Variants in SMOC1 observed in about 807,000 individuals in gnomAD.
SMOC1 encodes the protein SPARC-related modular calcium-binding protein 1.
SMOC1 carries 22 observed loss-of-function variants against 56.3 expected under a neutral mutation model. The observed-to-expected ratio is 0.39, with a 90% CI of 0.28 to 0.56. The LOEUF (loss-of-function observed/expected upper bound fraction) is 0.56, where lower values mean the gene tolerates loss of function less well. Among genes scored for constraint, SMOC1 ranks in the 20% least tolerant of loss-of-function variants. The pLI is 0.61. For missense variants in SMOC1, 509 were observed against 565.4 expected (o/e 0.90, Z 1.01); for synonymous variants, 193 against 215.0 (o/e 0.90, Z 0.89).
intron 10 of SMOC1, among the ~76,000 whole-genome samples, chr14:70,021,930 C>G (rs79369163): frequency 0.022 from 3,383 of 152,276 alleles, 58 homozygotes; most frequent in Middle Eastern, 0.085. Context: ...GACAGGCCTT[C>G]GACCCTGATC....
chr14:69,935,579 A>G (rs1885275026), intron 1 of SMOC1, among the ~76,000 whole-genome samples: 1 of 152,174 alleles, frequency 6.6e-6, no homozygotes, highest in African/African-American at 2.4e-5. Context: ...GTTTTTCTGG[A>G]TCAGGTCAGG....
chr14:69,975,987 C>CATGA (rs1487994617), intron 4 of SMOC1, among the ~76,000 whole-genome samples, 173 bp downstream of exon 4: 1 of 152,182 alleles, frequency 6.6e-6, no homozygotes, highest in Non-Finnish European at 1.5e-5. Flanking sequence ...AATGATAAGG[C>CATGA]ATGACAGTGT....
At chr14:70,019,970 T>A (rs1436524712) in intron 10 of SMOC1, among the ~76,000 whole-genome samples, 2 of 152,226 alleles carry the variant, frequency 1.3e-5, no homozygotes, top group Admixed American at 1.3e-4. Flanking sequence ...ACAGAGTTTT[T>A]AAATCCATTG....
In SMOC1 at chr14:69,953,491, G is replaced by A; in HGVS notation, c.337G>A (p.Val113Met). 6.2e-7 allele frequency: 1 copy of A among 1,614,264 alleles called. No homozygotes were observed. The highest frequency in any genetic ancestry group is 8.5e-7 in the Non-Finnish European group (1 of 1,180,042). Residue 113 changes from valine (V) to methionine (M), a missense_variant, in exon 3 of 12, where the codon GTG becomes ATG. Transcript: ENST00000361956. ...LEQAKKPQEA[V>M]FVPECGEDGS... ...GCAAGCCAAGAAGCCTCAGGAAGCT[G>A]TGTTTGTCCCAGAGTGTGGCGAGGA...
chr14:69,902,703 C>T (rs1349728806), intron 1 of SMOC1, among the ~76,000 whole-genome samples: 1 of 152,242 alleles, frequency 6.6e-6, no homozygotes. Flanking sequence ...TCTCTGCTCA[C>T]TGCAACCTCC....
intron 3 of SMOC1, among the ~76,000 whole-genome samples, chr14:69,960,603 C>T (rs1566689224): frequency 6.6e-6 from 1 of 152,022 alleles, no homozygotes; most frequent in Non-Finnish European, 1.5e-5. Context: ...TTGTTATATG[C>T]TCAAAAAACA....
chr14:69,991,259 T>TC lies in SMOC1; in HGVS notation c.527-1152dup, dbSNP rs540100058. ...CTGAGACAACAGTGCTCTCCTTCCC[T>TC]CCCCCCGTGGAGAGAAATCTCTTAA... On this transcript the variant is annotated intron_variant, in intron 5 of 11. Coordinates refer to ENST00000361956, the MANE Select transcript of SMOC1 (RefSeq NM_001034852.3). Among the ~76,000 whole-genome samples the TC allele has an allele frequency of 6.9e-4, 105 of 152,048 alleles. 1 individual carries two copies. Among genetic ancestry groups the TC allele is most frequent in the South Asian group, 4.2e-3 (20 of 4,796 alleles).
At chr14:69,915,582 C>T (rs1365143994) in intron 1 of SMOC1, among the ~76,000 whole-genome samples, 2 of 152,202 alleles carry the variant, frequency 1.3e-5, no homozygotes, top group East Asian at 3.9e-4. Flanking sequence ...ATGGTCTATA[C>T]ATGCTTTCCC....
intron 1 of SMOC1, among the ~76,000 whole-genome samples, chr14:69,896,606 T>G (rs781175063): frequency 6.6e-6 from 1 of 152,190 alleles, no homozygotes; most frequent in African/African-American, 2.4e-5. Flanking sequence ...CATCAATACA[T>G]TGAAAATTTA....
At chr14:69,958,656 C>T (rs372230585) in intron 3 of SMOC1, among the ~76,000 whole-genome samples, 276 of 152,276 alleles carry the variant, frequency 1.8e-3, no homozygotes, top group African/African-American at 6.3e-3. Context: ...AGTCTTCAAT[C>T]GTGTCCACAT....
chr14:69,886,994 C>G (rs1883826805), intron 1 of SMOC1, among the ~76,000 whole-genome samples: 2 of 152,164 alleles, frequency 1.3e-5, no homozygotes, highest in African/African-American at 4.8e-5. Flanking sequence ...CCCAGCAATT[C>G]CACTCCGGCT....
chr14:69,894,539 G>A (rs565321115), intron 1 of SMOC1, among the ~76,000 whole-genome samples: 1 of 152,288 alleles, frequency 6.6e-6, no homozygotes, highest in East Asian at 1.9e-4. Flanking sequence ...AGCTTCTCCT[G>A]ACCACATGGC....
Position 69,879,786 on chromosome 14 carries a change from G to C in SMOC1, c.99+9G>C. ...GCACCACAGGCCCCAGGGTAAGTGCGCCCCCAGCTTTGCGCCCACCTGCGG... is the reference window on the plus strand; with the variant it reads ...GCACCACAGGCCCCAGGGTAAGTGCCCCCCCAGCTTTGCGCCCACCTGCGG... On this transcript the variant is annotated intron_variant, in intron 1 of 11. Coordinates refer to ENST00000361956, the MANE Select transcript of SMOC1 (RefSeq NM_001034852.3). The C allele has an allele frequency of 6.3e-7, 1 of 1,580,586 alleles. No individual in the cohort carries two copies. The highest frequency in any genetic ancestry group is 8.5e-7 in the Non-Finnish European group (1 of 1,170,482).
At chr14:69,981,793 C>T (rs748933208) in intron 5 of SMOC1, among the ~76,000 whole-genome samples, 3 of 152,124 alleles carry the variant, frequency 2.0e-5, no homozygotes, top group Non-Finnish European at 4.4e-5. Flanking sequence ...CTGGCTGTAC[C>T]AAGGCCTATG....
chr14:70,004,166 A>C (rs900217623), intron 7 of SMOC1, among the ~76,000 whole-genome samples: 4 of 152,234 alleles, frequency 2.6e-5, no homozygotes, highest in African/African-American at 9.6e-5. Context: ...TGCATCATTC[A>C]TCAAGGCATC....
rs559752627 is a variant in SMOC1, at chr14:69,964,356, G to C, written c.378+10824G>C. On this transcript the variant is annotated intron_variant, in intron 3 of 11. Coordinates refer to ENST00000361956, the MANE Select transcript of SMOC1 (RefSeq NM_001034852.3). ...GAGAGGAGAGGCTCAGTAATGGGAG[G>C]CTTCAGTCACTCTCTCTGGTATTCT... is the stretch of plus-strand genomic sequence containing the variant. Among the ~76,000 whole-genome samples the C allele has an allele frequency of 1.1e-3, 162 of 151,394 alleles. 1 individual carries two copies. Among genetic ancestry groups the C allele is most frequent in the Non-Finnish European group, 1.8e-3 (123 of 67,918 alleles).
chr14:69,977,115 C>A (rs1476649674), intron 4 of SMOC1, among the ~76,000 whole-genome samples: 1 of 152,166 alleles, frequency 6.6e-6, no homozygotes, highest in Non-Finnish European at 1.5e-5. Flanking sequence ...TGAGTTCTCA[C>A]ACAACTGGTA....
At chr14:69,933,430 C>T (rs1475967731) in intron 1 of SMOC1, among the ~76,000 whole-genome samples, 1 of 152,098 alleles carries the variant, frequency 6.6e-6, no homozygotes, top group Non-Finnish European at 1.5e-5. Flanking sequence ...GAAATATCTT[C>T]CACCTCTTTT....
chr14:69,931,740 G>C (rs777094719), intron 1 of SMOC1, among the ~76,000 whole-genome samples: 6 of 152,238 alleles, frequency 3.9e-5, no homozygotes, highest in Non-Finnish European at 8.8e-5. Flanking sequence ...AAAATCAGGG[G>C]ATGTGGCGGT....
Sources: gnomAD v4.1 joint callset for allele counts (sites outside exome capture counted in the v4.1 genomes callset) on GRCh38, gnomAD v4.1.1 for gene constraint, MANE v1.5 for transcripts, NCBI Gene and HGNC (gene_info 2026-07-23, HGNC 2026-07-21) for gene names.